The following PIP4K2A variants were observed in gnomAD, a reference collection of about 807,000 sequenced individuals.
The protein encoded by PIP4K2A is phosphatidylinositol 5-phosphate 4-kinase type-2 alpha.
Under a neutral mutation model 42.9 loss-of-function variants are expected in PIP4K2A, and 14 were observed. The observed-to-expected ratio is 0.33, with a 90% CI of 0.22 to 0.51. The LOEUF (loss-of-function observed/expected upper bound fraction) is 0.51. PIP4K2A is among the 20% of genes least tolerant of loss of function. PIP4K2A has a pLI of 0.97. For missense variants in PIP4K2A, 434 were observed against 519.8 expected, an observed-to-expected ratio of 0.83 and a Z score of 1.61; for synonymous variants, 192 against 192.2, an observed-to-expected ratio of 1.00 and a Z score of 0.01.
chr10:22,556,534 T>A (rs1291692697), intron 6 of PIP4K2A, among the ~76,000 whole-genome samples: 3 of 152,330 alleles, frequency 2.0e-5, no homozygotes, highest in Admixed American at 1.3e-4. Flanking sequence ...ATTTTACGTA[T>A]CTGGCCAAAG....
At chr10:22,641,953 A>G (rs1044275186) in intron 1 of PIP4K2A, 1 of 152,348 alleles carries the variant, frequency 6.6e-6, no homozygotes, top group African/African-American at 2.4e-5. Context: ...AAGCAGACCA[A>G]TGAGTTTTCT....
At chr10:22,700,200 A>C (rs1833688998) in intron 1 of PIP4K2A, among the ~76,000 whole-genome samples, 1 of 152,162 alleles carries the variant, frequency 6.6e-6, no homozygotes, top group Admixed American at 6.5e-5. Flanking sequence ...AGCTGCTGAT[A>C]CTTGGAGGCA....
intron 1 of PIP4K2A, among the ~76,000 whole-genome samples, chr10:22,684,721 T>C (rs2130886821): frequency 6.6e-6 from 1 of 152,320 alleles, no homozygotes; most frequent in Admixed American, 6.5e-5. Context: ...CTCAGGCATA[T>C]GGCAAAGTGG....
chr10:22,591,897 G>T, intron 3 of PIP4K2A, 116 bp from the exon 4 acceptor site: 1 of 886,462 alleles, frequency 1.1e-6, no homozygotes. Context: ...ACATTTGTGT[G>T]TGGGATAAAT....
chr10:22,573,249 C>T, intron 5 of PIP4K2A, 62 bp downstream of exon 5: 1 of 1,454,492 alleles, frequency 6.9e-7, no homozygotes, highest in Non-Finnish European at 9.6e-7. Flanking sequence ...TCAATGACAA[C>T]ATTTACAATG....
At chr10:22,623,439 G>A (rs926710788) in intron 1 of PIP4K2A, among the ~76,000 whole-genome samples, 22 of 152,320 alleles carry the variant, frequency 1.4e-4, no homozygotes, top group Middle Eastern at 3.4e-3. Context: ...CACAAGGGCG[G>A]TGTGCTCCTC....
At chr10:22,563,537 T>C (rs926534829) in intron 6 of PIP4K2A, among the ~76,000 whole-genome samples, 2 of 152,242 alleles carry the variant, frequency 1.3e-5, no homozygotes, top group Admixed American at 1.3e-4. Context: ...TCTGAAACAA[T>C]GTTTTTGTCA....
At chr10:22,647,308 C>CTGTG (rs747952978) in intron 1 of PIP4K2A, among the ~76,000 whole-genome samples, 1 of 140,230 alleles carries the variant, frequency 7.1e-6, no homozygotes, top group Non-Finnish European at 1.6e-5. Flanking sequence ...TCTCTAAATA[C>CTGTG]TGTGTGTGTG....
intron 1 of PIP4K2A, among the ~76,000 whole-genome samples, chr10:22,679,602 C>T (rs886680942): frequency 1.3e-5 from 2 of 152,154 alleles, no homozygotes; most frequent in Admixed American, 1.3e-4. Flanking sequence ...AAAACTTCTA[C>T]ACAAATGTTC....
intron 1 of PIP4K2A, among the ~76,000 whole-genome samples, chr10:22,635,281 TG>T (rs1564450380): frequency 2.0e-5 from 3 of 152,130 alleles, no homozygotes; most frequent in Non-Finnish European, 4.4e-5. Flanking sequence ...GTTCATCGAA[TG>T]TAACAACCGT....
intron 6 of PIP4K2A, among the ~76,000 whole-genome samples, chr10:22,551,159 T>C (rs1452361640): frequency 6.6e-6 from 1 of 152,226 alleles, no homozygotes; most frequent in Non-Finnish European, 1.5e-5. Context: ...TCAATTTTCT[T>C]ACAACCCAAC....
intron 1 of PIP4K2A, among the ~76,000 whole-genome samples, chr10:22,627,583 A>T (rs1181701537): frequency 8.6e-6 from 1 of 116,512 alleles, no homozygotes. Flanking sequence ...CCAAAAGCTA[A>T]TATGTAATAA....
intron 1 of PIP4K2A, among the ~76,000 whole-genome samples, chr10:22,643,522 T>A (rs1276743714): frequency 6.6e-6 from 1 of 152,146 alleles, no homozygotes; most frequent in African/African-American, 2.4e-5. Flanking sequence ...AGCCACCAGC[T>A]CGCTCCATTC....
chr10:22,685,993 T>C (rs752127017), intron 1 of PIP4K2A, among the ~76,000 whole-genome samples: 13 of 152,308 alleles, frequency 8.5e-5, no homozygotes, highest in Non-Finnish European at 1.5e-4. Flanking sequence ...ATCCTCTCCC[T>C]CTCATTCCAA....
intron 3 of PIP4K2A, among the ~76,000 whole-genome samples, chr10:22,594,630 A>G (rs1246453274): frequency 6.6e-6 from 1 of 152,186 alleles, no homozygotes; most frequent in Non-Finnish European, 1.5e-5. Flanking sequence ...TCCTGGCCTC[A>G]AGTGATCTAT....
intron 1 of PIP4K2A, among the ~76,000 whole-genome samples, chr10:22,637,160 T>G (rs1446851942): frequency 6.6e-6 from 1 of 152,170 alleles, no homozygotes; most frequent in Non-Finnish European, 1.5e-5. Context: ...GGAATGGAAG[T>G]GTATATTTTA....
intron 6 of PIP4K2A, among the ~76,000 whole-genome samples, chr10:22,558,300 A>T (rs1387268719): frequency 6.6e-6 from 1 of 152,260 alleles, no homozygotes; most frequent in Admixed American, 6.5e-5. Context: ...AAATCTTCAT[A>T]AAAATCAGCA....
At chr10:22,545,530 G>T (rs963310434) in intron 7 of PIP4K2A, among the ~76,000 whole-genome samples, 2 of 152,218 alleles carry the variant, frequency 1.3e-5, no homozygotes, top group African/African-American at 4.8e-5. Flanking sequence ...TGGGCCTCAG[G>T]CCTGTGGTCA....
rs373907449 is a variant in PIP4K2A at position 22,581,454 on chromosome 10, T to C, written c.493-7997A>G. On this transcript the variant is annotated intron_variant, in intron 4 of 9. Transcript: ENST00000376573. ...TATTCTCAGTGTTAAATTCACTGCA[T>C]TGCATTTTAAAATGTTATTTTTGCC... is the stretch of plus-strand genomic sequence containing the variant. Among the ~76,000 whole-genome samples the C allele has an allele frequency of 9.2e-5, 14 of 151,642 alleles. No individual in the cohort carries two copies. The East Asian group carries it at 1.6e-3, about 17-fold the overall frequency.
Sources: gnomAD v4.1 joint callset for allele counts (sites outside exome capture counted in the v4.1 genomes callset) on GRCh38, gnomAD v4.1.1 for gene constraint, MANE v1.5 for transcripts, NCBI Gene and HGNC (gene_info 2026-07-23, HGNC 2026-07-21) for gene names.